ABAT: variants seen among roughly 807,000 people sequenced by gnomAD.
ABAT encodes the protein 4-aminobutyrate aminotransferase.
In ABAT, 45 loss-of-function variants were observed where a neutral mutation model predicts 64.6. The ratio of observed to expected loss-of-function variants is 0.70; its 90% CI spans 0.55 to 0.89. The LOEUF (loss-of-function observed/expected upper bound fraction) is 0.89. Ranked by LOEUF, ABAT falls within the 40% of genes least tolerant of loss-of-function variation. The pLI is 0.00. For missense variants in ABAT, 633 were observed against 658.4 expected (o/e 0.96, Z 0.42); for synonymous variants, 297 against 250.5 (o/e 1.19, Z -1.75).
At position 8,685,345 on chromosome 16, in the gene ABAT, G is replaced by C. The variant is rs546538537; in HGVS notation, c.-42+10634G>C. ...ATCAGATAATCCAAAAATTTGTGTT[G>C]TAAGTAGGTAGTGCATAACTCTTTT... On this transcript the variant is annotated intron_variant, in intron 1 of 15. Coordinates refer to ENST00000268251, the MANE Select transcript of ABAT (RefSeq NM_020686.6). 2.0e-5 allele frequency among the ~76,000 whole-genome samples: 3 copies of C among 151,772 alleles called. No individual in the cohort carries two copies. The South Asian group carries it at 6.2e-4, about 32-fold the overall frequency.
At chr16:8,749,148 C>G (rs534327080) in intron 4 of ABAT, among the ~76,000 whole-genome samples, 1 of 149,978 alleles carries the variant, frequency 6.7e-6, no homozygotes, top group East Asian at 1.9e-4. Context: ...AGTGCAGTGG[C>G]GCAATCTCGG....
At chr16:8,729,094 C>T (rs539115867) in intron 1 of ABAT, among the ~76,000 whole-genome samples, 41 of 151,904 alleles carry the variant, frequency 2.7e-4, no homozygotes, top group African/African-American at 9.2e-4. Flanking sequence ...ATTACTTGAG[C>T]TCAGGAGTTC....
intron 5 of ABAT, among the ~76,000 whole-genome samples, chr16:8,753,558 A>G (rs1431407918): frequency 1.3e-5 from 2 of 152,206 alleles, no homozygotes; most frequent in African/African-American, 4.8e-5. Context: ...GGCACGCCAC[A>G]TCTGAGGCTT....
Position 8,773,602 on chromosome 16 carries a change from T to C in ABAT, c.954+685T>C, listed in dbSNP as rs566853792. On this transcript the variant is annotated intron_variant, in intron 12 of 15. Coordinates refer to ENST00000268251, the MANE Select transcript of ABAT (RefSeq NM_020686.6). ...TCCACTCCTATTTTGAACTATGCAA[T>C]AAATTATTAACTAAAATCACCCTAT... Among the ~76,000 whole-genome samples the C allele has an allele frequency of 3.9e-5, 6 of 152,366 alleles. No individual in the cohort carries two copies. The South Asian group carries it at 1.2e-3, about 32-fold the overall frequency.
intron 1 of ABAT, among the ~76,000 whole-genome samples, chr16:8,696,751 C>G (rs2057712093): frequency 6.6e-6 from 1 of 152,156 alleles, no homozygotes; most frequent in Non-Finnish European, 1.5e-5. Context: ...GGAAGTGTTC[C>G]CAGCAGCCGG....
chr16:8,726,447 T>C (rs1269900622), intron 1 of ABAT, among the ~76,000 whole-genome samples: 1 of 151,944 alleles, frequency 6.6e-6, no homozygotes, highest in Non-Finnish European at 1.5e-5. Context: ...TTTGTAGAGA[T>C]GGGGTTTAGC....
At chr16:8,704,511 A>C (rs1371894865) in intron 1 of ABAT, among the ~76,000 whole-genome samples, 4 of 152,250 alleles carry the variant, frequency 2.6e-5, no homozygotes, top group African/African-American at 4.8e-5. Flanking sequence ...CAGAAACTAC[A>C]AAAAGGTGGC....
At chr16:8,777,983 C>G (rs1340363170) in intron 14 of ABAT, among the ~76,000 whole-genome samples, 1 of 152,150 alleles carries the variant, frequency 6.6e-6, no homozygotes, top group East Asian at 1.9e-4. Flanking sequence ...ACATAAGTGT[C>G]TAACACGGTG....
chr16:8,700,908 A>ATTT, intron 1 of ABAT, among the ~76,000 whole-genome samples: 1 of 136,306 alleles, frequency 7.3e-6, no homozygotes, highest in African/African-American at 2.9e-5. Context: ...GCTGGCCTTA[A>ATTT]TTCTTTTTTT....
At chr16:8,735,879 C>T (rs2058912254) in intron 2 of ABAT, 70 bp downstream of exon 2, 2 of 1,388,152 alleles carry the variant, frequency 1.4e-6, no homozygotes, top group Non-Finnish European at 2.0e-6. Context: ...GATTCCTGGG[C>T]TGGAAGAGCC....
chr16:8,679,099 A>G, intron 1 of ABAT, among the ~76,000 whole-genome samples: 1 of 152,122 alleles, frequency 6.6e-6, no homozygotes, highest in South Asian at 2.1e-4. Context: ...CGGCAGAATC[A>G]CTTGAGCCCA....
At chr16:8,692,096 T>TG (rs1444424637) in intron 1 of ABAT, among the ~76,000 whole-genome samples, 1 of 152,132 alleles carries the variant, frequency 6.6e-6, no homozygotes, top group Non-Finnish European at 1.5e-5. Flanking sequence ...CAGTAAAACG[T>TG]GGGCCAGTCG....
chr16:8,698,069 C>A (rs1376524712), intron 1 of ABAT, among the ~76,000 whole-genome samples: 1 of 152,174 alleles, frequency 6.6e-6, no homozygotes, highest in Non-Finnish European at 1.5e-5. Flanking sequence ...AAAAAATTGT[C>A]ACAAACTGAG....
At chr16:8,734,948 C>T (rs1401889524) in intron 1 of ABAT, among the ~76,000 whole-genome samples, 2 of 151,942 alleles carry the variant, frequency 1.3e-5, no homozygotes, top group African/African-American at 4.8e-5. Context: ...TGGTTCATAC[C>T]TGTAATCCCA....
chr16:8,771,267 C>G (rs534340243), intron 11 of ABAT, among the ~76,000 whole-genome samples: 13 of 151,300 alleles, frequency 8.6e-5, no homozygotes, highest in Non-Finnish European at 1.8e-4. Context: ...TGCACTCCAG[C>G]CTGGGCAACA....
At chr16:8,752,725 C>T (rs1226536320) in intron 5 of ABAT, among the ~76,000 whole-genome samples, 1 of 152,178 alleles carries the variant, frequency 6.6e-6, no homozygotes, top group Non-Finnish European at 1.5e-5. Context: ...TATGATCACT[C>T]CACTGCACTC....
chr16:8,675,769 G>A (rs1730961), intron 1 of ABAT, among the ~76,000 whole-genome samples: 36,751 of 151,862 alleles, frequency 0.24, 4,738 homozygotes, highest in African/African-American at 0.3. Context: ...CCTCTCCCCC[G>A]CTCCCTGCCC....
intron 6 of ABAT, among the ~76,000 whole-genome samples, chr16:8,761,626 G>A (rs146180298): frequency 2.6e-5 from 4 of 152,314 alleles, no homozygotes; most frequent in Admixed American, 1.3e-4. Flanking sequence ...GCACCCTGAC[G>A]CAGTCTTAGA....
chr16:8,688,890 C>T (rs1426409866), intron 1 of ABAT, among the ~76,000 whole-genome samples: 3 of 152,222 alleles, frequency 2.0e-5, no homozygotes, highest in Non-Finnish European at 4.4e-5. Context: ...AGCCTGGCCA[C>T]CATAGTGAAA....
Sources: gnomAD v4.1 joint callset for allele counts (sites outside exome capture counted in the v4.1 genomes callset) on GRCh38, gnomAD v4.1.1 for gene constraint, MANE v1.5 for transcripts, NCBI Gene and HGNC (gene_info 2026-07-23, HGNC 2026-07-21) for gene names.